AFP: variants seen among roughly 807,000 people sequenced by gnomAD.
AFP encodes the protein alpha-fetoprotein.
A neutral mutation model predicts 78.9 loss-of-function variants in AFP; 64 were observed. That is an observed-to-expected ratio of 0.81 (90% CI 0.66 to 1.00). The LOEUF (loss-of-function observed/expected upper bound fraction) is 1.00. Ranked by LOEUF, AFP falls within the 50% of genes least tolerant of loss-of-function variation. The probability of loss-of-function intolerance (pLI) is 0.00; values close to 1 mark genes in which losing one functional copy is unlikely to be tolerated. For synonymous variants in AFP, 254 were observed against 243.8 expected, an observed-to-expected ratio of 1.04 and a Z score of -0.39; for missense variants, 689 against 703.8, an observed-to-expected ratio of 0.98 and a Z score of 0.24.
In AFP at chr4:73,436,441, T is replaced by C. The variant is rs1719508328; in HGVS notation, c.85+94T>C. 4.2e-6 allele frequency: 3 copies of C among 710,334 alleles called. No individual in the cohort carries two copies. The Admixed American group carries it at 9.1e-5, about 21-fold the overall frequency. 44.0% of individuals were successfully genotyped at this position (710,334 alleles called of 1,614,324 possible). A position where few individuals can be genotyped will look rare whatever the true frequency, so the allele number is the denominator to read the frequency against. ...AATTTGTCTTGATTTATTATTCATATTTATTATTCCACATGGAGAAAAAAT... is the reference window on the plus strand; with the variant it reads ...AATTTGTCTTGATTTATTATTCATACTTATTATTCCACATGGAGAAAAAAT... On this transcript the variant is annotated intron_variant, in intron 1 of 14. Transcript: ENST00000395792.
At chr4:73,449,992 T>C in intron 9 of AFP, 44 bp from the exon 10 acceptor site, 1 of 1,364,480 alleles carries the variant, frequency 7.3e-7, no homozygotes, top group South Asian at 1.2e-5. Context: ...AAGTTATGCA[T>C]CCAAGAAAAG....
At chr4:73,454,735 C>A (rs1720109110) in intron 13 of AFP, among the ~76,000 whole-genome samples, 1 of 151,988 alleles carries the variant, frequency 6.6e-6, no homozygotes, top group Non-Finnish European at 1.5e-5. Flanking sequence ...TAATTAGATG[C>A]ATTTGAGTGT....
chr4:73,450,215 C>T, intron 10 of AFP, 82 bp downstream of exon 10: 1 of 1,160,978 alleles, frequency 8.6e-7, no homozygotes, highest in Non-Finnish European at 1.3e-6. Flanking sequence ...CCTTTGGAAG[C>T]AACAAGAATG....
chr4:73,447,056 G>A (rs969470976), intron 7 of AFP, among the ~76,000 whole-genome samples: 7 of 151,968 alleles, frequency 4.6e-5, no homozygotes, highest in East Asian at 1.9e-4. Context: ...ATGTAACTAC[G>A]GACACTATTA....
chr4:73,453,763 A>G lies in AFP; in HGVS notation c.1653-2A>G, dbSNP rs1424311056. 1 of 1,613,342 alleles carries G rather than the reference A, an allele frequency of 6.2e-7. No individual in the cohort carries two copies. Among genetic ancestry groups the G allele is most frequent in the South Asian group, 1.1e-5 (1 of 91,060 alleles). On this transcript the variant is annotated splice_acceptor_variant, in intron 12 of 14. Transcript: ENST00000395792. LOFTEE classifies it high-confidence loss of function. ...TGTATTTTGTTTTGTTTTAAATCAC[A>G]GGTTTCTCATTAACCTTGTGAAGCA...
Position 73,453,805 on chromosome 4 carries a change from G to A in AFP, c.1693G>A (p.Glu565Lys). 1 of 1,613,796 alleles carries A rather than the reference G, an allele frequency of 6.2e-7. No individual in the cohort carries two copies. ...TGTGAAGCAAAAGCCACAAATAACA[G>A]AGGAACAACTTGAGGCTGTCATTGC... is the stretch of plus-strand genomic sequence containing the variant. ...NLVKQKPQIT[E>K]EQLEAVIADF... Residue 565 changes from glutamate to lysine, a missense_variant, in exon 13 of 15, where the codon GAG becomes AAG. Transcript: ENST00000395792.
chr4:73,451,720 C>T (rs1719998029), intron 11 of AFP, among the ~76,000 whole-genome samples: 1 of 152,160 alleles, frequency 6.6e-6, no homozygotes, highest in Non-Finnish European at 1.5e-5. Flanking sequence ...TTTGAGAATA[C>T]AAATTATACC....
intron 1 of AFP, 29 bp from the exon 2 acceptor site, chr4:73,437,131 C>A: frequency 2.5e-6 from 4 of 1,571,678 alleles, no homozygotes; most frequent in Non-Finnish European, 3.5e-6. Context: ...GTTGAAAACA[C>A]GTTTCATGAA....
chr4:73,455,650 A>G lies in AFP; in HGVS notation c.*30A>G. 1 of 696,064 alleles carries G rather than the reference A, an allele frequency of 1.4e-6. No homozygotes were observed. Among genetic ancestry groups the G allele is most frequent in the Non-Finnish European group, 2.6e-6 (1 of 383,206 alleles). The allele number at this position is 696,064 out of a possible 1,614,324, so 43.1% of individuals were successfully genotyped here. On this transcript the variant is annotated 3_prime_UTR_variant, in exon 15 of 15. Coordinates refer to ENST00000395792, the MANE Select transcript of AFP (RefSeq NM_001134.3). ...TTGCAGGGGAAGAGAAGACAAAACG[A>G]GTCTTTCATTCGGTGTGAACTTTTC...
intron 4 of AFP, among the ~76,000 whole-genome samples, chr4:73,441,756 T>C (rs948594470): frequency 6.6e-5 from 10 of 152,188 alleles, no homozygotes; most frequent in African/African-American, 2.4e-4. Flanking sequence ...ACACAGCTAG[T>C]ACATTTGACC....
At position 73,437,371 on chromosome 4, in the gene AFP, A is replaced by G. The variant is rs551567170; in HGVS notation, c.137+160A>G. 1.7e-4 allele frequency among the ~76,000 whole-genome samples: 26 copies of G among 152,172 alleles called. No individual in the cohort carries two copies. In the South Asian group the frequency reaches 5.4e-3, roughly 32 times the overall value. On this transcript the variant is annotated intron_variant, in intron 2 of 14. Coordinates refer to ENST00000395792, the MANE Select transcript of AFP (RefSeq NM_001134.3). ...ACTGAATATCAACTTGATGTTGAAG[A>G]GGTTAAACTGTTGACTAATGTCTTC...
At chr4:73,446,348 G>A (rs1186887070) in intron 7 of AFP, among the ~76,000 whole-genome samples, 1 of 151,920 alleles carries the variant, frequency 6.6e-6, no homozygotes, top group Admixed American at 6.6e-5. Flanking sequence ...TTCAATTTTT[G>A]GAGCTCATAA....
chr4:73,450,561 G>A, intron 10 of AFP, 54 bp from the exon 11 acceptor site: 1 of 1,612,592 alleles, frequency 6.2e-7, no homozygotes, highest in South Asian at 1.1e-5. Context: ...AAGCAAGGCG[G>A]CTAAAAACTC....
At chr4:73,438,149 G>A in intron 2 of AFP, 25 bp from the exon 3 acceptor site, 2 of 1,612,642 alleles carry the variant, frequency 1.2e-6, no homozygotes, top group Non-Finnish European at 1.7e-6. Context: ...TGTTCCTTAA[G>A]GATTCACACG....
At position 73,442,325 on chromosome 4, in the gene AFP, C is replaced by A; in HGVS notation, c.512C>A (p.Pro171His). 6.2e-7 allele frequency: 1 copy of A among 1,613,874 alleles called. No individual in the cohort carries two copies. The highest frequency in any genetic ancestry group is 2.2e-5 in the East Asian group (1 of 44,856). ...KFIYEIARRH[P>H]FLYAPTILLW... is the part of the protein sequence containing the mutation. ...ATTTATGAGATAGCAAGAAGGCATC[C>A]CTTCCTGTATGCACCTACAATTCTT... Residue 171 changes from proline to histidine, a missense_variant, in exon 5 of 15, where the codon CCC becomes CAC. Physicochemically the swap from Pro to His is moderately conservative, Grantham distance 77. Coordinates refer to ENST00000395792, the MANE Select transcript of AFP (RefSeq NM_001134.3).
intron 4 of AFP, 50 bp from the exon 5 acceptor site, chr4:73,442,246 G>T (rs747774484): frequency 6.4e-7 from 1 of 1,553,878 alleles, no homozygotes; most frequent in Non-Finnish European, 8.8e-7. Context: ...AGCAGTAGTA[G>T]TCCTATTTTT....
chr4:73,439,518 G>A (rs1262953610), intron 3 of AFP, among the ~76,000 whole-genome samples: 1 of 152,118 alleles, frequency 6.6e-6, no homozygotes, highest in African/African-American at 2.4e-5. Context: ...GTTACAGATC[G>A]CTGATTTATT....
At chr4:73,453,656 G>A in intron 12 of AFP, 109 bp from the exon 13 acceptor site, 1 of 1,302,880 alleles carries the variant, frequency 7.7e-7, no homozygotes, top group Non-Finnish European at 1.1e-6. Context: ...CTGGTGATAG[G>A]TTGATGGAGT....
rs767824349 is a variant in AFP at position 73,447,536 on chromosome 4, C to G, written c.918C>G (p.Thr306=). Residue 306 remains threonine, a synonymous_variant, in exon 8 of 15, where the codon ACC becomes ACG. Transcript: ENST00000395792. ...AAATAACAGAATGCTGCAAACTGAC[C>G]ACGCTGGAACGTGGTCAATGTATAA... The part of the protein sequence containing the change: ...SNKITECCKL[T]TLERGQCIIH... 3.1e-6 allele frequency: 5 copies of G among 1,612,684 alleles called. No individual in the cohort carries two copies. In the Admixed American group the frequency reaches 8.3e-5, roughly 27 times the overall value.
Sources: gnomAD v4.1 joint callset for allele counts (sites outside exome capture counted in the v4.1 genomes callset) on GRCh38, gnomAD v4.1.1 for gene constraint, MANE v1.5 for transcripts, NCBI Gene and HGNC (gene_info 2026-07-23, HGNC 2026-07-21) for gene names.